The following NBAS variants were observed in gnomAD, a reference collection of about 807,000 sequenced individuals.
NBAS encodes NBAS subunit of NRZ tethering complex, also known as NAG/BC035112 fusion.
A neutral mutation model predicts 302.5 loss-of-function variants in NBAS; 219 were observed. The ratio of observed to expected loss-of-function variants is 0.72; its 90% CI spans 0.65 to 0.81. NBAS has a LOEUF of 0.81. Ranked by LOEUF, NBAS falls within the 30% of genes least tolerant of loss-of-function variation. NBAS has a pLI of 0.00. For synonymous variants in NBAS, 1,118 were observed against 1,021.6 expected, an observed-to-expected ratio of 1.09 and a Z score of -1.80; for missense variants, 2,932 against 2,841.6, an observed-to-expected ratio of 1.03 and a Z score of -0.72.
In NBAS at chr2:15,415,644, G is replaced by A. The variant is rs758584777; in HGVS notation, c.2839C>T (p.Pro947Ser). The change falls in exon 25 of 52, where the codon CCT (proline) becomes TCT (serine). Residue 947 changes from proline (P) to serine (S), a missense_variant. Pro to Ser is a moderately conservative substitution (Grantham distance 74). Coordinates refer to ENST00000281513, the MANE Select transcript of NBAS (RefSeq NM_015909.4). ...PFLHRCEKQSPGVANELLKEY... is the reference protein window; with the variant it reads ...PFLHRCEKQSSGVANELLKEY... Reference sequence around the variant, plus strand: ...TTTAATAGCTCATTAGCCACACCAGGCGACTGTTTCTCACAACGATGAAGA... The same window carrying A: ...TTTAATAGCTCATTAGCCACACCAGACGACTGTTTCTCACAACGATGAAGA... 7.4e-6 allele frequency: 12 copies of A among 1,613,976 alleles called. No individual in the cohort carries two copies. In the Admixed American group the frequency reaches 1.8e-4, roughly 25 times the overall value.
At chr2:14,980,676 A>G in the NBAS span, among the ~76,000 whole-genome samples, 10 of 152,170 alleles carry the variant, frequency 6.6e-5, no homozygotes, top group African/African-American at 9.7e-5. Context: ...GCAGGAAAAA[A>G]AATCACTAGA....
intron 41 of NBAS, 85 bp downstream of exon 41, chr2:15,292,452 G>T: frequency 7.2e-7 from 1 of 1,396,386 alleles, no homozygotes; most frequent in Non-Finnish European, 1.0e-6. Context: ...AAACTTCAAA[G>T]GACTGAAATT....
the NBAS span, among the ~76,000 whole-genome samples, chr2:15,024,564 A>G: frequency 6.7e-3 from 1,023 of 152,276 alleles, 8 homozygotes; most frequent in Middle Eastern, 0.034. Context: ...CAAAAGCTGA[A>G]CTAATTTACA....
chr2:15,044,395 T>C, the NBAS span, among the ~76,000 whole-genome samples: 1 of 152,216 alleles, frequency 6.6e-6, no homozygotes, highest in African/African-American at 2.4e-5. Flanking sequence ...CTCAAGCCTA[T>C]TGACATTACA....
At chr2:15,530,970 C>A (rs1663187199) in intron 9 of NBAS, among the ~76,000 whole-genome samples, 1 of 151,882 alleles carries the variant, frequency 6.6e-6, no homozygotes, top group African/African-American at 2.4e-5. Context: ...TTTTATATTA[C>A]AATGACATTC....
the NBAS span, among the ~76,000 whole-genome samples, chr2:15,133,113 G>A: frequency 6.6e-6 from 1 of 152,182 alleles, no homozygotes; most frequent in Non-Finnish European, 1.5e-5. Context: ...CATCAGTTCA[G>A]TGGTTGTTAA....
At chr2:14,888,061 G>A in the NBAS span, among the ~76,000 whole-genome samples, 1 of 152,132 alleles carries the variant, frequency 6.6e-6, no homozygotes, top group Non-Finnish European at 1.5e-5. Context: ...TTTTCAGGAT[G>A]GTTAATGTAT....
chr2:14,898,726 G>A, the NBAS span, among the ~76,000 whole-genome samples: 11 of 152,098 alleles, frequency 7.2e-5, no homozygotes, highest in African/African-American at 2.7e-4. Flanking sequence ...ATATAAGACC[G>A]AACTTGTTCC....
chr2:14,847,382 T>TA, the NBAS span, among the ~76,000 whole-genome samples: 890 of 53,052 alleles, frequency 0.017, 33 homozygotes, highest in East Asian at 0.028. Flanking sequence ...GACTCTATCT[T>TA]AAAAAAAAAA....
At chr2:15,034,028 A>AAGAAGAAGAC in the NBAS span, among the ~76,000 whole-genome samples, 2 of 27,732 alleles carry the variant, frequency 7.2e-5, no homozygotes, top group Non-Finnish European at 1.1e-4. Flanking sequence ...GAAGAAGAAG[A>AAGAAGAAGAC]GGAGGAGGAA....
chr2:14,794,276 ACCT>A, the NBAS span, among the ~76,000 whole-genome samples: 1 of 152,110 alleles, frequency 6.6e-6, no homozygotes, highest in Non-Finnish European at 1.5e-5. Context: ...TGGCAAATAA[ACCT>A]CCTAAAATGA....
chr2:15,087,848 T>G, the NBAS span, among the ~76,000 whole-genome samples: 1 of 152,266 alleles, frequency 6.6e-6, no homozygotes. Flanking sequence ...AAATATTTAC[T>G]CAGCCTTTAC....
the NBAS span, among the ~76,000 whole-genome samples, chr2:15,076,592 G>A: frequency 6.6e-6 from 1 of 152,180 alleles, no homozygotes; most frequent in South Asian, 2.1e-4. Context: ...TGAAGTCTGA[G>A]GTGATTTCCA....
At chr2:15,272,827 C>T (rs1023408638) in intron 44 of NBAS, among the ~76,000 whole-genome samples, 7 of 152,086 alleles carry the variant, frequency 4.6e-5, no homozygotes, top group African/African-American at 1.7e-4. Flanking sequence ...AACAACTGTG[C>T]CACATATTTT....
At chr2:15,380,521 T>C (rs895495549) in intron 29 of NBAS, among the ~76,000 whole-genome samples, 3 of 152,118 alleles carry the variant, frequency 2.0e-5, no homozygotes, top group African/African-American at 7.2e-5. Flanking sequence ...AATTACAATA[T>C]ATTATAATGT....
the NBAS span, among the ~76,000 whole-genome samples, chr2:14,904,918 G>A: frequency 1.1e-4 from 16 of 152,210 alleles, no homozygotes; most frequent in African/African-American, 3.6e-4. Context: ...GCGCAGTGGC[G>A]GGCGCCTGTA....
At chr2:14,979,908 A>T in the NBAS span, among the ~76,000 whole-genome samples, 67 of 152,300 alleles carry the variant, frequency 4.4e-4, no homozygotes, top group East Asian at 0.011. Flanking sequence ...CCTTGACTGT[A>T]TAAAACCCTG....
the NBAS span, among the ~76,000 whole-genome samples, chr2:14,794,014 G>A: frequency 6.6e-6 from 1 of 152,058 alleles, no homozygotes; most frequent in Non-Finnish European, 1.5e-5. Context: ...ACACTAAAAG[G>A]ACTTGTCATT....
At chr2:15,372,103 G>A (rs1314638735) in intron 31 of NBAS, among the ~76,000 whole-genome samples, 1 of 152,144 alleles carries the variant, frequency 6.6e-6, no homozygotes, top group Non-Finnish European at 1.5e-5. Flanking sequence ...AGTGGCAGAA[G>A]TAGCTCCAGG....
Sources: allele counts gnomAD v4.1 joint callset (sites outside exome capture counted in the v4.1 genomes callset), GRCh38; gene constraint gnomAD v4.1.1; transcripts MANE v1.5; gene names NCBI Gene and HGNC (gene_info 2026-07-23, HGNC 2026-07-21).